GRM8: variants seen among roughly 807,000 people sequenced by gnomAD.
GRM8 encodes metabotropic glutamate receptor 8.
GRM8 carries 47 observed loss-of-function variants against 87.2 expected under a neutral mutation model. The observed-to-expected ratio is 0.54, with a 90% confidence interval of 0.43 to 0.69. GRM8 has a LOEUF of 0.69. GRM8 is among the 30% of genes least tolerant of loss of function. The pLI is 0.00. For synonymous variants in GRM8, 396 were observed against 404.5 expected (o/e 0.98, Z 0.25); for missense variants, 1,019 against 1,139.2 (o/e 0.89, Z 1.52).
intron 6 of GRM8, among the ~76,000 whole-genome samples, chr7:126,805,620 C>A (rs1792596567): frequency 6.6e-6 from 1 of 152,188 alleles, no homozygotes; most frequent in African/African-American, 2.4e-5. Flanking sequence ...TGCATCCATG[C>A]AGATGTGGAA....
At chr7:127,006,613 T>A (rs906686686) in intron 3 of GRM8, among the ~76,000 whole-genome samples, 2 of 152,064 alleles carry the variant, frequency 1.3e-5, no homozygotes, top group African/African-American at 4.8e-5. Flanking sequence ...TAATGGAGAA[T>A]AGCATTGTTG....
chr7:126,838,670 G>A (rs943392340), intron 6 of GRM8, among the ~76,000 whole-genome samples: 5 of 152,172 alleles, frequency 3.3e-5, no homozygotes, highest in African/African-American at 1.2e-4. Context: ...GAAACACTCA[G>A]TGAATATTAT....
intron 3 of GRM8, among the ~76,000 whole-genome samples, chr7:127,073,543 A>G (rs987925405): frequency 9.2e-5 from 14 of 152,116 alleles, no homozygotes; most frequent in Non-Finnish European, 4.4e-5. Context: ...TTACCCCCCA[A>G]TGGTGTGGGG....
chr7:126,847,799 C>T (rs1235342974), intron 6 of GRM8, among the ~76,000 whole-genome samples: 1 of 152,056 alleles, frequency 6.6e-6, no homozygotes, highest in Non-Finnish European at 1.5e-5. Flanking sequence ...GAATATGGAC[C>T]TCATCTCCAC....
intron 3 of GRM8, among the ~76,000 whole-genome samples, chr7:127,051,833 C>T (rs1306528321): frequency 6.9e-6 from 1 of 144,824 alleles, no homozygotes; most frequent in Admixed American, 6.9e-5. Context: ...CTGAACAATA[C>T]TGAATATTGT....
intron 7 of GRM8, among the ~76,000 whole-genome samples, chr7:126,732,384 C>T (rs2299501): frequency 0.35 from 53,013 of 151,940 alleles, 9,656 homozygotes; most frequent in Non-Finnish European, 0.38. Context: ...CCAAAGTCCC[C>T]AATTAACACA....
chr7:126,788,420 A>AAAAAAAAAAAAACAAAAAACAAAACAC, intron 6 of GRM8, among the ~76,000 whole-genome samples: 1 of 81,138 alleles, frequency 1.2e-5, no homozygotes, highest in Non-Finnish European at 2.3e-5. Flanking sequence ...AAAAAAAAAA[A>AAAAAAAAAAAAACAAAAAACAAAACAC]AAACCCTTTC....
At chr7:126,821,063 C>T (rs1794250394) in intron 6 of GRM8, among the ~76,000 whole-genome samples, 1 of 152,212 alleles carries the variant, frequency 6.6e-6, no homozygotes, top group Non-Finnish European at 1.5e-5. Flanking sequence ...GATTGTGCCA[C>T]TGCACTTCAG....
At chr7:127,223,470 CACACACACACACACACAAA>C in intron 2 of GRM8, among the ~76,000 whole-genome samples, 1 of 126,790 alleles carries the variant, frequency 7.9e-6, no homozygotes, top group South Asian at 2.6e-4. Context: ...CACACACACA[CACACACACACACACACAAA>C]ACTGTGGACC....
chr7:126,850,501 C>T (rs1379118736), intron 6 of GRM8, among the ~76,000 whole-genome samples: 1 of 152,030 alleles, frequency 6.6e-6, no homozygotes, highest in Admixed American at 6.6e-5. Flanking sequence ...ACATAGGTAA[C>T]CATGATAGTT....
At chr7:126,650,819 G>A (rs536334678) in intron 7 of GRM8, among the ~76,000 whole-genome samples, 12 of 151,896 alleles carry the variant, frequency 7.9e-5, no homozygotes, top group Admixed American at 2.0e-4. Flanking sequence ...AGCCACCCCC[G>A]TCATCACCCA....
At chr7:126,697,279 G>C (rs1809490460) in intron 7 of GRM8, among the ~76,000 whole-genome samples, 1 of 151,938 alleles carries the variant, frequency 6.6e-6, no homozygotes, top group African/African-American at 2.4e-5. Flanking sequence ...CAAAGTTGCA[G>C]TTACATAAAC....
intron 2 of GRM8, among the ~76,000 whole-genome samples, chr7:127,119,338 T>C (rs1482105586): frequency 6.6e-6 from 1 of 151,822 alleles, no homozygotes; most frequent in Admixed American, 6.6e-5. Flanking sequence ...ATACAAAAAT[T>C]AGCCAGGCAT....
At chr7:126,500,100 C>T (rs1030688391) in intron 9 of GRM8, among the ~76,000 whole-genome samples, 2 of 151,788 alleles carry the variant, frequency 1.3e-5, no homozygotes, top group African/African-American at 4.8e-5. Flanking sequence ...CTCTTTCAGC[C>T]ATTTTGAAAT....
chr7:127,112,002 C>A (rs1288040392), intron 2 of GRM8, among the ~76,000 whole-genome samples: 1 of 145,516 alleles, frequency 6.9e-6, no homozygotes, highest in Non-Finnish European at 1.5e-5. Context: ...CAATCCTGGG[C>A]ACCAAGAGCA....
At chr7:126,692,260 G>A (rs1161560582) in intron 7 of GRM8, among the ~76,000 whole-genome samples, 1 of 152,166 alleles carries the variant, frequency 6.6e-6, no homozygotes, top group Admixed American at 6.5e-5. Flanking sequence ...TTGAGTACCA[G>A]AATTTTAATT....
At chr7:126,716,833 G>C in intron 7 of GRM8, among the ~76,000 whole-genome samples, 1 of 152,176 alleles carries the variant, frequency 6.6e-6, no homozygotes. Context: ...AAGCATGAGG[G>C]AGAAGAGGAA....
At chr7:126,559,325 A>G (rs1055455648) in intron 8 of GRM8, among the ~76,000 whole-genome samples, 6 of 151,468 alleles carry the variant, frequency 4.0e-5, no homozygotes, top group Non-Finnish European at 7.4e-5. Context: ...GGCATGTACC[A>G]CCACACCAGG....
At chr7:127,124,516 C>A (rs1286985822) in intron 2 of GRM8, among the ~76,000 whole-genome samples, 1 of 152,096 alleles carries the variant, frequency 6.6e-6, no homozygotes, top group Non-Finnish European at 1.5e-5. Flanking sequence ...CTGACCTGAG[C>A]CCCAATATTT....
Sources: allele counts gnomAD v4.1 joint callset (sites outside exome capture counted in the v4.1 genomes callset), GRCh38; gene constraint gnomAD v4.1.1; transcripts MANE v1.5; gene names NCBI Gene and HGNC (gene_info 2026-07-23, HGNC 2026-07-21).